Variants in TRPC4 observed in about 807,000 individuals in gnomAD.
TRPC4 encodes short transient receptor potential channel 4.
Under a neutral mutation model 99.4 loss-of-function variants are expected in TRPC4, and 49 were observed. That is an observed-to-expected ratio of 0.49 (90% CI 0.39 to 0.63). TRPC4 has a LOEUF of 0.63. Ranked by LOEUF, TRPC4 falls within the 20% of genes least tolerant of loss-of-function variation. TRPC4 has a pLI of 0.00. For missense variants in TRPC4, 898 were observed against 1,152.9 expected, an observed-to-expected ratio of 0.78 and a Z score of 3.20; for synonymous variants, 454 against 425.9, an observed-to-expected ratio of 1.07 and a Z score of -0.81.
chr13:37,717,637 T>A (rs969204419), intron 3 of TRPC4, among the ~76,000 whole-genome samples: 4 of 152,086 alleles, frequency 2.6e-5, no homozygotes, highest in African/African-American at 9.7e-5. Context: ...AGACCAGGTG[T>A]AAATGCAGAA....
At chr13:37,732,586 C>T (rs1374181018) in intron 3 of TRPC4, among the ~76,000 whole-genome samples, 1 of 152,144 alleles carries the variant, frequency 6.6e-6, no homozygotes, top group Non-Finnish European at 1.5e-5. Context: ...TCACAAAAAA[C>T]TCTTAGATTT....
chr13:37,779,704 A>T (rs1398918547), intron 2 of TRPC4, among the ~76,000 whole-genome samples: 2 of 151,964 alleles, frequency 1.3e-5, no homozygotes, highest in African/African-American at 2.4e-5. Flanking sequence ...CCCAGACCCC[A>T]TTCTTAAATC....
intron 2 of TRPC4, among the ~76,000 whole-genome samples, chr13:37,771,195 T>G (rs760494164): frequency 6.6e-6 from 1 of 151,726 alleles, no homozygotes; most frequent in Non-Finnish European, 1.5e-5. Flanking sequence ...AGCTCATTTG[T>G]AAGTATGTTT....
chr13:37,670,851 G>T (rs1280999837), intron 5 of TRPC4, among the ~76,000 whole-genome samples: 1 of 152,084 alleles, frequency 6.6e-6, no homozygotes, highest in Admixed American at 6.6e-5. Flanking sequence ...TTTGCATATT[G>T]TGCCTTTTCT....
intron 1 of TRPC4, among the ~76,000 whole-genome samples, chr13:37,823,380 T>C (rs1317300320): frequency 6.7e-6 from 1 of 149,746 alleles, no homozygotes; most frequent in African/African-American, 2.5e-5. Flanking sequence ...GCCTAGGTTT[T>C]CTTCTAGGGT....
At chr13:37,778,757 T>C (rs117021919) in intron 2 of TRPC4, among the ~76,000 whole-genome samples, 8 of 152,158 alleles carry the variant, frequency 5.3e-5, no homozygotes, top group Non-Finnish European at 8.8e-5. Context: ...GTTACTGAAA[T>C]TGGGAAACTC....
chr13:37,837,435 A>G (rs1182318154), intron 1 of TRPC4, among the ~76,000 whole-genome samples: 1 of 152,242 alleles, frequency 6.6e-6, no homozygotes, highest in African/African-American at 2.4e-5. Context: ...GCCCAAGACC[A>G]TGGGAACCCA....
intron 1 of TRPC4, among the ~76,000 whole-genome samples, chr13:37,823,490 G>T (rs1007312216): frequency 1.3e-5 from 2 of 148,504 alleles, no homozygotes; most frequent in South Asian, 2.2e-4. Context: ...TTCTACATAT[G>T]GCTAGCCAGT....
chr13:37,855,412 T>C (rs992004596), intron 1 of TRPC4, among the ~76,000 whole-genome samples: 11 of 150,810 alleles, frequency 7.3e-5, no homozygotes, highest in African/African-American at 2.7e-4. Flanking sequence ...AAGAGATAGA[T>C]AGACCTCAAT....
Position 37,636,941 on chromosome 13 carries a change from T to C in TRPC4, c.2896A>G (p.Thr966Ala). 6.2e-7 allele frequency: 1 copy of C among 1,613,132 alleles called. No homozygotes were observed. Among genetic ancestry groups the C allele is most frequent in the African/African-American group, 1.3e-5 (1 of 74,994 alleles). Residue 966 changes from threonine to alanine, a missense_variant, in exon 11 of 11, where the codon ACA becomes GCA. Physicochemically the swap from Thr to Ala is moderately conservative, Grantham distance 58. Coordinates refer to ENST00000379705, the MANE Select transcript of TRPC4 (RefSeq NM_016179.4). ...GTCACGTAATCTTCGTGGGTGACTG[T>C]GTCTGGGAGGTTTAGATCATAGTCT... ...SIDYDLNLPD[T>A]VTHEDYVTTR...
intron 1 of TRPC4, among the ~76,000 whole-genome samples, chr13:37,798,538 G>C (rs186430966): frequency 6.6e-6 from 1 of 152,086 alleles, no homozygotes; most frequent in African/African-American, 2.4e-5. Context: ...ATCTCAAAGT[G>C]TCATGATACT....
At position 37,633,891 on chromosome 13, in the gene TRPC4, T is replaced by C. The variant is rs1321532836; in HGVS notation, c.*3012A>G. ...CCTTACTGAAGTTAATATAGATTTATTTGCACAGAAATTTTAAGGAAAACC... is the reference window on the plus strand; with the variant it reads ...CCTTACTGAAGTTAATATAGATTTACTTGCACAGAAATTTTAAGGAAAACC... On this transcript the variant is annotated 3_prime_UTR_variant, in exon 11 of 11. Coordinates refer to ENST00000379705, the MANE Select transcript of TRPC4 (RefSeq NM_016179.4). Among the ~76,000 whole-genome samples, 1 of 152,100 alleles carries C rather than the reference T, an allele frequency of 6.6e-6. No homozygotes were observed. The highest frequency in any genetic ancestry group is 1.5e-5 in the Non-Finnish European group (1 of 67,976).
chr13:37,823,740 G>T (rs1283216422), intron 1 of TRPC4, among the ~76,000 whole-genome samples: 5 of 147,614 alleles, frequency 3.4e-5, no homozygotes, highest in African/African-American at 1.0e-4. Flanking sequence ...GCTTAGGATT[G>T]ACTTGGCGAT....
chr13:37,832,864 G>A (rs1387826384), intron 1 of TRPC4, among the ~76,000 whole-genome samples: 2 of 152,070 alleles, frequency 1.3e-5, no homozygotes, highest in Non-Finnish European at 2.9e-5. Flanking sequence ...ACTACAGTAT[G>A]TATCTATTGA....
At chr13:37,699,476 T>C (rs1954030028) in intron 3 of TRPC4, among the ~76,000 whole-genome samples, 1 of 152,184 alleles carries the variant, frequency 6.6e-6, no homozygotes, top group Non-Finnish European at 1.5e-5. Context: ...AGATAACTAG[T>C]TGCCCAATTA....
chr13:37,818,883 T>C (rs776291813), intron 1 of TRPC4, among the ~76,000 whole-genome samples: 2 of 151,914 alleles, frequency 1.3e-5, no homozygotes, highest in African/African-American at 2.4e-5. Context: ...CAAACCACCA[T>C]GGCACGCGTA....
chr13:37,859,306 A>T (rs954831847), intron 1 of TRPC4, among the ~76,000 whole-genome samples: 7 of 151,426 alleles, frequency 4.6e-5, no homozygotes, highest in Non-Finnish European at 8.9e-5. Flanking sequence ...TAAGAAGGAA[A>T]AAATGAAGGT....
intron 1 of TRPC4, among the ~76,000 whole-genome samples, chr13:37,831,908 A>T (rs1230020309): frequency 6.6e-6 from 1 of 152,144 alleles, no homozygotes; most frequent in African/African-American, 2.4e-5. Context: ...GAAAGGGGAG[A>T]TGTTACCTAA....
chr13:37,749,135 G>T (rs1408400806), intron 2 of TRPC4, among the ~76,000 whole-genome samples: 1 of 151,902 alleles, frequency 6.6e-6, no homozygotes, highest in Non-Finnish European at 1.5e-5. Flanking sequence ...TCTCTCTCCT[G>T]CTGCCATGTA....
Sources: allele counts gnomAD v4.1 joint callset (sites outside exome capture counted in the v4.1 genomes callset), GRCh38; gene constraint gnomAD v4.1.1; transcripts MANE v1.5; gene names NCBI Gene and HGNC (gene_info 2026-07-23, HGNC 2026-07-21).